The following SLC26A1 variants were observed in gnomAD, a reference collection of about 807,000 sequenced individuals.
SLC26A1 encodes the protein solute carrier family 26 member 1, also known as sulfate anion transporter 1.
In SLC26A1, 18 loss-of-function variants were observed where a neutral mutation model predicts 14.5. The ratio of observed to expected loss-of-function variants is 1.24; its 90% confidence interval spans 0.86 to 1.84. The LOEUF (loss-of-function observed/expected upper bound fraction) is 1.84. SLC26A1 is among the 40% of genes most tolerant of loss of function. The pLI, the probability that SLC26A1 is intolerant of heterozygous loss-of-function variation, is 0.00. For synonymous variants in SLC26A1, 505 were observed against 492.0 expected, an observed-to-expected ratio of 1.03 and a Z score of -0.35; for missense variants, 1,049 against 1,020.0, an observed-to-expected ratio of 1.03 and a Z score of -0.39.
At chr4:991,068 G>A in intron 2 of SLC26A1, 60 bp downstream of exon 2, 1 of 1,475,274 alleles carries the variant, frequency 6.8e-7, no homozygotes, top group Non-Finnish European at 9.0e-7. Flanking sequence ...CCTCGTGGAT[G>A]GCCAAAACCT....
chr4:981,069 G>A (rs184175927), intron 2 of SLC26A1, among the ~76,000 whole-genome samples: 81 of 152,288 alleles, frequency 5.3e-4, no homozygotes, highest in Admixed American at 1.1e-3. Context: ...CGTGCGTCAC[G>A]TCACGCAGAC....
chr4:989,825 G>C lies in SLC26A1; in HGVS notation c.1114C>G (p.Arg372Gly). 5.1e-6 allele frequency: 8 copies of C among 1,579,690 alleles called. No individual in the cohort carries two copies. The South Asian group carries it at 9.2e-5, about 18-fold the overall frequency. ...MFARSHGYSVRANQELLAVGC... is the reference protein window; with the variant it reads ...MFARSHGYSVGANQELLAVGC... ...ACAGCCAGCAGCTCCTGGTTGGCAC[G>C]CACAGAGTAGCCGTGACTGCGGGCG... Residue 372 changes from arginine (R) to glycine (G), a missense_variant, in exon 3 of 3, where the codon CGT (arginine) becomes GGT (glycine). By Grantham distance (125) the Arg-to-Gly change is moderately radical. Transcript: ENST00000398516.
intron 2 of SLC26A1, 174 bp downstream of exon 2, chr4:990,953 CG>C: frequency 1.6e-6 from 1 of 635,884 alleles, no homozygotes; most frequent in Non-Finnish European, 2.6e-6. Context: ...CTCTCCGCGT[CG>C]GTGCCTCGCC....
At position 989,062 on chromosome 4, in the gene SLC26A1, C is replaced by A; in HGVS notation, c.1877G>T (p.Gly626Val). ...CAPLLFLDAA[G>V]VSTLQDLRRD... is the part of the protein sequence containing the mutation. ...GCGCAGGTCCTGCAGCGTGCTCACA[C>A]CGGCTGCGTCTAGGAACAGCAGCGG... The change falls in exon 3 of 3, where the codon GGT becomes GTT. Residue 626 changes from glycine (G) to valine (V), a missense_variant. Coordinates refer to ENST00000398516, the MANE Select transcript of SLC26A1 (RefSeq NM_022042.4). 1 of 1,587,442 alleles carries A rather than the reference C, an allele frequency of 6.3e-7. No individual in the cohort carries two copies. The highest frequency in any genetic ancestry group is 1.8e-5 in the Admixed American group (1 of 56,558).
At position 988,534 on chromosome 4, in the gene SLC26A1, T is replaced by C. The variant is rs1049072145; in HGVS notation, c.*299A>G. 4.9e-6 allele frequency: 6 copies of C among 1,225,342 alleles called. No homozygotes were observed. Among genetic ancestry groups the C allele is most frequent in the Non-Finnish European group, 6.1e-6 (6 of 980,764 alleles). 75.9% of individuals were successfully genotyped at this position (1,225,342 alleles called of 1,614,324 possible). A position where few individuals can be genotyped will look rare whatever the true frequency, so the allele number is the denominator to read the frequency against. ...CCTTGTTCAAATAAGATGTCAACCCTGAGCGTCAGGTCAGGCCCATCCCTC... is the reference window on the plus strand; with the variant it reads ...CCTTGTTCAAATAAGATGTCAACCCCGAGCGTCAGGTCAGGCCCATCCCTC... On this transcript the variant is annotated 3_prime_UTR_variant, in exon 3 of 3. Coordinates refer to ENST00000398516, the MANE Select transcript of SLC26A1 (RefSeq NM_022042.4).
In SLC26A1 at chr4:988,103, G is replaced by A. The variant is rs1236753001; in HGVS notation, c.*730C>T. 1.4e-6 allele frequency: 2 copies of A among 1,441,118 alleles called. No individual in the cohort carries two copies. Among genetic ancestry groups the A allele is most frequent in the Non-Finnish European group, 1.8e-6 (2 of 1,097,854 alleles). The allele number at this position is 1,441,118 out of a possible 1,614,324, so 89.3% of individuals were successfully genotyped here. On this transcript the variant is annotated 3_prime_UTR_variant, in exon 3 of 3. Coordinates refer to ENST00000398516, the MANE Select transcript of SLC26A1 (RefSeq NM_022042.4). ...GCGTGTCCTTGCTGGCTGTGCTGGG[G>A]TGAGGGCTGTGTGCTGGAGGGAGCC...
rs151023111 is a variant in SLC26A1 at position 988,980 on chromosome 4, C to T, written c.1959G>A (p.Val653=). 3.9e-5 allele frequency: 62 copies of T among 1,595,162 alleles called. No homozygotes were observed. The East Asian group carries it at 1.1e-3, about 27-fold the overall frequency. ...SLLLACCSPP[V]RDILSRGGFL... The stretch of plus-strand genomic sequence containing the variant: ...AGCCTCCTCTGCTCAGAATGTCTCT[C>T]ACAGGCGGGCTGCAGCAGGCTAGCA... The change falls in exon 3 of 3, where the codon GTG becomes GTA. Residue 653 remains valine, a synonymous_variant. Coordinates refer to ENST00000398516, the MANE Select transcript of SLC26A1 (RefSeq NM_022042.4).
At chr4:982,950 C>A (rs1211655782), downstream of SLC26A1, among the ~76,000 whole-genome samples, 2 of 152,260 alleles carry the variant, frequency 1.3e-5, no homozygotes, top group Non-Finnish European at 2.9e-5. Flanking sequence ...TAACTAGAAT[C>A]ATCTCTACGT....
chr4:989,360 C>A lies in SLC26A1; in HGVS notation c.1579G>T (p.Glu527Ter). 1 of 1,592,672 alleles carries A rather than the reference C, an allele frequency of 6.3e-7. No homozygotes were observed. The highest frequency in any genetic ancestry group is 8.5e-7 in the Non-Finnish European group (1 of 1,170,120). ...GDTAFYEDAT[E>*]FEGLVPEPGV... ...GGCTCAGGGACGAGGCCCTCGAACTCTGTGGCATCCTCGTAGAAGGCCGTG... is the reference window on the plus strand; with the variant it reads ...GGCTCAGGGACGAGGCCCTCGAACTATGTGGCATCCTCGTAGAAGGCCGTG... The change falls in exon 3 of 3, where the codon GAG becomes TAG. Residue 527 changes from glutamate (E) to a stop codon, truncating the protein, a stop_gained. Coordinates refer to ENST00000398516, the MANE Select transcript of SLC26A1 (RefSeq NM_022042.4). LOFTEE classifies it low-confidence loss of function (END_TRUNC).
downstream of SLC26A1, among the ~76,000 whole-genome samples, chr4:984,257 T>A (rs577429527): frequency 6.6e-6 from 1 of 152,348 alleles, no homozygotes; most frequent in East Asian, 1.9e-4. Flanking sequence ...GGTTTTAATA[T>A]TTTTTTCAAT....
chr4:987,518 C>T (rs150279766), downstream of SLC26A1: 10 of 903,596 alleles, frequency 1.1e-5, no homozygotes, highest in South Asian at 1.7e-4. Context: ...GGCCCTGCAG[C>T]GGGACCTGGC....
rs1714182387 is a variant in SLC26A1 at position 990,313 on chromosome 4, T to C, written c.626A>G (p.Gln209Arg). The C allele has an allele frequency of 3.1e-6, 5 of 1,605,178 alleles. No individual in the cohort carries two copies. The highest frequency in any genetic ancestry group is 4.2e-6 in the Non-Finnish European group (5 of 1,177,466). Residue 209 changes from glutamine (Q) to arginine (R), a missense_variant, in exon 3 of 3, where the codon CAG becomes CGG. Gln to Arg is a conservative substitution (Grantham distance 43). Coordinates refer to ENST00000398516, the MANE Select transcript of SLC26A1 (RefSeq NM_022042.4). ...RLGFVSAYLS[Q>R]PLLDGFAMGA... ...CATGGCAAAGCCATCGAGCAGTGGC[T>C]GTGAGAGGTAGGCGGACACGAAGCC...
rs1318210449 is a variant in SLC26A1, at chr4:988,145, T to C, written c.*688A>G. On this transcript the variant is annotated 3_prime_UTR_variant, in exon 3 of 3. Coordinates refer to ENST00000398516, the MANE Select transcript of SLC26A1 (RefSeq NM_022042.4). ...GAGGGAGCCCCTGCATGGGGCACGG[T>C]GGGCTTCCTGCAGGTCTCCCTGCAG... 1.4e-6 allele frequency: 2 copies of C among 1,404,264 alleles called. No individual in the cohort carries two copies. Among genetic ancestry groups the C allele is most frequent in the African/African-American group, 1.4e-5 (1 of 68,974 alleles). 87.0% of individuals were successfully genotyped at this position (1,404,264 alleles called of 1,614,324 possible). A position where few individuals can be genotyped will look rare whatever the true frequency, so the allele number is the denominator to read the frequency against.
chr4:987,299 C>G (rs891926420), downstream of SLC26A1: 2 of 1,452,504 alleles, frequency 1.4e-6, no homozygotes, highest in Non-Finnish European at 9.2e-7. Flanking sequence ...CTCGGGCGCC[C>G]CCTGACTGCG....
intron 2 of SLC26A1, chr4:979,611 G>T: frequency 7.1e-7 from 1 of 1,408,456 alleles, no homozygotes; most frequent in Non-Finnish European, 9.8e-7. Context: ...TGCCTCTCCA[G>T]TGCCAGCCCA....
At position 990,074 on chromosome 4, in the gene SLC26A1, T is replaced by G. The variant is rs781239436; in HGVS notation, c.865A>C (p.Arg289=). The G allele has an allele frequency of 1.9e-6, 3 of 1,600,700 alleles. No homozygotes were observed. Among genetic ancestry groups the G allele is most frequent in the Non-Finnish European group, 2.6e-6 (3 of 1,175,740 alleles). ...ELSDRYRHRL[R]VPLPTELLVI... ...AGCAGCTCCGTGGGCAGCGGCACCC[T>G]CAGGCGGTGTCGGTAGCGGTCTGAG... The change falls in exon 3 of 3, where the codon AGG becomes CGG. Residue 289 remains arginine, a synonymous_variant. Transcript: ENST00000398516.
downstream of SLC26A1, among the ~76,000 whole-genome samples, chr4:984,248 G>A (rs1247586747): frequency 6.6e-6 from 1 of 152,152 alleles, no homozygotes; most frequent in Admixed American, 6.5e-5. Flanking sequence ...GTTTCATGAG[G>A]TTTTAATATT....
In SLC26A1 at chr4:979,420, C is replaced by T. The variant is rs979982412; in HGVS notation, c.661G>A (p.Glu221Lys). ...TTCCTGTTAAATCAGCAAGATCTTT[C>T]CTCCTCTTCCAGAAGTTCCTGCGAG... Residue 221 changes from glutamate to lysine, a missense_variant, in exon 3 of 3, where the codon GAA becomes AAA. Physicochemically the swap from Glu to Lys is moderately conservative, Grantham distance 56 (BLOSUM62 1). Coordinates refer to the SLC26A1 transcript ENST00000398520. 3 of 1,566,152 alleles carry T rather than the reference C, an allele frequency of 1.9e-6. No individual in the cohort carries two copies. The East Asian group carries it at 6.7e-5, about 35-fold the overall frequency.
rs547282991 is a variant in SLC26A1, at chr4:988,986, C to T, written c.1953G>A (p.Pro651=). The T allele has an allele frequency of 1.7e-4, 269 of 1,593,842 alleles. 3 individuals carry two copies. The South Asian group carries it at 2.4e-3, about 14-fold the overall frequency. ...GISLLLACCS[P]PVRDILSRGG... ...CTCTGCTCAGAATGTCTCTCACAGG[C>T]GGGCTGCAGCAGGCTAGCAGCAGGC... Residue 651 remains proline, a synonymous_variant, in exon 3 of 3, where the codon CCG becomes CCA. Transcript: ENST00000398516.
Sources: allele counts gnomAD v4.1 joint callset (sites outside exome capture counted in the v4.1 genomes callset), GRCh38; gene constraint gnomAD v4.1.1; transcripts MANE v1.5; gene names NCBI Gene and HGNC (gene_info 2026-07-23, HGNC 2026-07-21).